AXIN1: variants seen among roughly 807,000 people sequenced by gnomAD.
AXIN1 encodes the protein axin-1.
Under a neutral mutation model 76.4 loss-of-function variants are expected in AXIN1, and 30 were observed. The observed-to-expected ratio is 0.39, with a 90% CI of 0.29 to 0.53. The LOEUF (loss-of-function observed/expected upper bound fraction) is 0.53, where lower values mean the gene tolerates loss of function less well. Among genes scored for constraint, AXIN1 ranks in the 20% least tolerant of loss-of-function variants. The pLI is 0.66. For synonymous variants in AXIN1, 545 were observed against 501.4 expected, an observed-to-expected ratio of 1.09 and a Z score of -1.16; for missense variants, 1,140 against 1,198.8, an observed-to-expected ratio of 0.95 and a Z score of 0.72.
chr16:310,424 T>G (rs907816782), intron 3 of AXIN1, among the ~76,000 whole-genome samples: 1 of 151,544 alleles, frequency 6.6e-6, no homozygotes, highest in African/African-American at 2.4e-5. Flanking sequence ...TGAGATGGAG[T>G]CTCGCTCTGT....
chr16:323,564 A>G (rs1284455334), intron 2 of AXIN1, among the ~76,000 whole-genome samples: 1 of 151,230 alleles, frequency 6.6e-6, no homozygotes, highest in African/African-American at 2.4e-5. Flanking sequence ...GGTGGATCAC[A>G]AGGTCAAGAG....
chr16:349,057 C>A (rs942150515), intron 1 of AXIN1, among the ~76,000 whole-genome samples: 6 of 150,066 alleles, frequency 4.0e-5, no homozygotes, highest in African/African-American at 1.5e-4. Flanking sequence ...GACACCGCGC[C>A]GGCCACTGCA....
At chr16:317,993 C>T (rs2053342059) in intron 2 of AXIN1, among the ~76,000 whole-genome samples, 2 of 152,222 alleles carry the variant, frequency 1.3e-5, no homozygotes, top group African/African-American at 2.4e-5. Context: ...ACGTCCACGG[C>T]ACACGGGTGC....
At chr16:341,573 G>A (rs1285074162) in intron 2 of AXIN1, among the ~76,000 whole-genome samples, 2 of 152,256 alleles carry the variant, frequency 1.3e-5, no homozygotes, top group Admixed American at 6.5e-5. Context: ...TGTGCGGACC[G>A]AGTCTCCCCG....
chr16:289,181 C>T (rs1374355836), intron 10 of AXIN1, among the ~76,000 whole-genome samples: 5 of 152,108 alleles, frequency 3.3e-5, no homozygotes, highest in South Asian at 2.1e-4. Context: ...CTCTGCCTCC[C>T]GAGTTCAAGC....
At position 346,258 on chromosome 16, in the gene AXIN1, G is replaced by C. The variant is rs1035732168; in HGVS notation, c.768C>G (p.Asp256Glu). 3.1e-6 allele frequency: 5 copies of C among 1,614,030 alleles called. No individual in the cohort carries two copies. Among genetic ancestry groups the C allele is most frequent in the Non-Finnish European group, 4.2e-6 (5 of 1,180,050 alleles). The change falls in exon 2 of 11, where the codon GAC becomes GAG. Residue 256 changes from aspartate (D) to glutamate (E), a missense_variant. Around this residue, in one of 3 missense-constraint regions of AXIN1, gnomAD observed 708 missense variants for 776.9 expected, o/e 0.91. Coordinates refer to ENST00000262320, the MANE Select transcript of AXIN1 (RefSeq NM_003502.4). ...CGGGGGGAGCAGCGTCTCTGCCATC[G>C]TCCTCATCCATGTCCTGGTCACACT... ...EWKCDQDMDE[D>E]DGRDAAPPGR...
chr16:343,908 G>A (rs1254659111), intron 2 of AXIN1, among the ~76,000 whole-genome samples: 1 of 150,944 alleles, frequency 6.6e-6, no homozygotes, highest in Non-Finnish European at 1.5e-5. Context: ...CGGGAGGCAG[G>A]AGAATCACTT....
intron 4 of AXIN1, among the ~76,000 whole-genome samples, chr16:306,143 G>A (rs114351221): frequency 5.3e-5 from 8 of 151,872 alleles, no homozygotes; most frequent in African/African-American, 1.9e-4. Context: ...CCACACATGC[G>A]CAGGCACACA....
At chr16:339,552 G>C (rs866607762) in intron 2 of AXIN1, among the ~76,000 whole-genome samples, 1 of 151,542 alleles carries the variant, frequency 6.6e-6, no homozygotes. Flanking sequence ...CATGGCGGCA[G>C]GTGCCTATAA....
chr16:337,425 T>A (rs1449987111), intron 2 of AXIN1, among the ~76,000 whole-genome samples: 1 of 150,510 alleles, frequency 6.6e-6, no homozygotes, highest in Non-Finnish European at 1.5e-5. Flanking sequence ...TTATTTTAAA[T>A]GTTTGTTTAG....
In AXIN1 at chr16:306,571, T is replaced by A. The variant is rs553862499; in HGVS notation, c.1117-2130A>T. ...CTACACAATGAGAGTAGAAACAGCATCTAAACCTGAGAAGGATGGGGTGAG... is the reference window on the plus strand; with the variant it reads ...CTACACAATGAGAGTAGAAACAGCAACTAAACCTGAGAAGGATGGGGTGAG... On this transcript the variant is annotated intron_variant, in intron 4 of 10. Transcript: ENST00000262320. Among the ~76,000 whole-genome samples, 8 of 152,224 alleles carry A rather than the reference T, an allele frequency of 5.3e-5. No individual in the cohort carries two copies. The South Asian group carries it at 1.0e-3, about 20-fold the overall frequency.
At chr16:344,157 G>T (rs1157382114) in intron 2 of AXIN1, among the ~76,000 whole-genome samples, 1 of 152,088 alleles carries the variant, frequency 6.6e-6, no homozygotes, top group Non-Finnish European at 1.5e-5. Flanking sequence ...AAAAGGCCGG[G>T]CGTGGTGGCC....
At position 304,250 on chromosome 16, in the gene AXIN1, C is replaced by T. The variant is rs554927609; in HGVS notation, c.1254+54G>A. On this transcript the variant is annotated intron_variant, in intron 5 of 10. Transcript: ENST00000262320. ...GAAGAACATCAGGACATCCCGGCGG[C>T]AAGAAAACAGCACGACACCGACGCG... The T allele has an allele frequency of 2.5e-4, 405 of 1,602,494 alleles. No homozygotes were observed. The African/African-American group carries it at 5.1e-3, about 20-fold the overall frequency.
At chr16:320,255 A>G (rs2053409281) in intron 2 of AXIN1, among the ~76,000 whole-genome samples, 1 of 152,158 alleles carries the variant, frequency 6.6e-6, no homozygotes. Flanking sequence ...TATGTCACCC[A>G]GGCTGGTCTT....
rs2052611530 is a variant in AXIN1 at position 293,005 on chromosome 16, GGAC to G, written c.2186+480_2186+482del. 5.7e-6 allele frequency: 1 copy of G among 173,930 alleles called. No individual in the cohort carries two copies. The highest frequency in any genetic ancestry group is 2.4e-5 in the African/African-American group (1 of 41,930). 10.8% of individuals were successfully genotyped at this position (173,930 alleles called of 1,614,324 possible). Reference sequence around the variant, plus strand: ...AGGAGGGCTGTGGGCTGGACGTCCAGGACGACACTTCTACATCTGCACGGCTTT... The same window carrying G: ...AGGAGGGCTGTGGGCTGGACGTCCAGGACACTTCTACATCTGCACGGCTTT... On this transcript the variant is annotated intron_variant, in intron 8 of 10. Coordinates refer to ENST00000262320, the MANE Select transcript of AXIN1 (RefSeq NM_003502.4). The surrounding 1 kb of genome is among the most constrained non-coding windows in gnomAD (Gnocchi z 4.6).
chr16:309,293 CA>C (rs56239336), intron 4 of AXIN1, among the ~76,000 whole-genome samples: 72,084 of 146,000 alleles, frequency 0.49, 17,660 homozygotes, highest in South Asian at 0.65. Flanking sequence ...ACTCCTATCT[CA>C]AAAAAAAAAA....
chr16:329,272 C>CAAAAA (rs1176095680), intron 2 of AXIN1, among the ~76,000 whole-genome samples: 23 of 71,192 alleles, frequency 3.2e-4, no homozygotes, highest in African/African-American at 8.5e-4. Flanking sequence ...GCGAGACTGT[C>CAAAAA]AAAAAAAAAA....
Position 297,769 on chromosome 16 carries a change from T to TGA in AXIN1, c.1735_1736dup (p.Glu580GlnfsTer126). ...CGTTGGGGGCAGCGCCAACACTCTCTGAGTAGCCTCGGGACCTTGCCCCAT... is the reference window on the plus strand; with the variant it reads ...CGTTGGGGGCAGCGCCAACACTCTCTGAGAGTAGCCTCGGGACCTTGCCCCAT... On this transcript the variant is annotated frameshift_variant, in exon 6 of 11. Transcript: ENST00000262320. LOFTEE classifies it high-confidence loss of function. 1 of 1,586,872 alleles carries TGA rather than the reference T, an allele frequency of 6.3e-7. No homozygotes were observed. The highest frequency in any genetic ancestry group is 8.6e-7 in the Non-Finnish European group (1 of 1,166,878).
At position 346,588 on chromosome 16, in the gene AXIN1, T is replaced by A. The variant is rs145737195; in HGVS notation, c.438A>T (p.Arg146=). ...KRLKLARAIY[R]KYILDNNGIV... is the part of the protein sequence containing the mutation. ...TGCCATTGTTATCAAGAATGTACTT[T>A]CGGTAGATGGCTCTCGCCAGCTTCA... Residue 146 remains arginine, a synonymous_variant, in exon 2 of 11, where the codon CGA becomes CGT. Coordinates refer to ENST00000262320, the MANE Select transcript of AXIN1 (RefSeq NM_003502.4). 7.5e-6 allele frequency: 12 copies of A among 1,609,006 alleles called. No individual in the cohort carries two copies. The highest frequency in any genetic ancestry group is 1.7e-5 in the Admixed American group (1 of 59,560).
Sources: allele counts gnomAD v4.1 joint callset (sites outside exome capture counted in the v4.1 genomes callset), GRCh38; gene constraint gnomAD v4.1.1; regional missense constraint gnomAD v4.1.1; non-coding constraint Gnocchi (gnomAD v3.1); transcripts MANE v1.5; gene names NCBI Gene and HGNC (gene_info 2026-07-23, HGNC 2026-07-21).